The following SF3B3 variants were observed in gnomAD, a reference collection of about 807,000 sequenced individuals.
The protein encoded by SF3B3 is SAP 130.
In SF3B3, 33 loss-of-function variants were observed where a neutral mutation model predicts 139.2. That is an observed-to-expected ratio of 0.24 (90% CI 0.18 to 0.32). The LOEUF is 0.32. Among genes scored for constraint, SF3B3 ranks in the 10% least tolerant of loss-of-function variants. The pLI is 1.00. For synonymous variants in SF3B3, 596 were observed against 563.6 expected, an observed-to-expected ratio of 1.06 and a Z score of -0.81; for missense variants, 818 against 1,509.4, an observed-to-expected ratio of 0.54 and a Z score of 7.59.
chr16:70,567,402 C>T lies in SF3B3; in HGVS notation c.2827-9C>T, dbSNP rs1204753942. On this transcript the variant is annotated splice_polypyrimidine_tract_variant and intron_variant, in intron 20 of 25. Coordinates refer to ENST00000302516, the MANE Select transcript of SF3B3 (RefSeq NM_012426.5). ...TATAATAGCTGTATTACCTGCTTTTCCTCTATAGACTCCTGTGGAAGAGGT... is the reference window on the plus strand; with the variant it reads ...TATAATAGCTGTATTACCTGCTTTTTCTCTATAGACTCCTGTGGAAGAGGT... 4 of 1,610,008 alleles carry T rather than the reference C, an allele frequency of 2.5e-6. No homozygotes were observed. The Admixed American group carries it at 5.1e-5, about 20-fold the overall frequency.
chr16:70,568,560 G>A, intron 22 of SF3B3, 65 bp downstream of exon 22: 1 of 1,299,840 alleles, frequency 7.7e-7, no homozygotes. Flanking sequence ...TTTCTTGTGG[G>A]TAAAGCCAAG....
At chr16:70,526,275 T>C (rs1302000466) in intron 1 of SF3B3, among the ~76,000 whole-genome samples, 1 of 152,072 alleles carries the variant, frequency 6.6e-6, no homozygotes, top group Admixed American at 6.6e-5. Context: ...TGGCATGATG[T>C]TGGCTCACCA....
chr16:70,529,478 G>C (rs539988197), intron 3 of SF3B3: 4 of 438,870 alleles, frequency 9.1e-6, no homozygotes, highest in Middle Eastern at 3.2e-4. Context: ...ATGATCTTAT[G>C]TTATTAGACA....
chr16:70,559,239 A>T (rs1026083282), intron 15 of SF3B3, among the ~76,000 whole-genome samples: 4 of 152,216 alleles, frequency 2.6e-5, no homozygotes, highest in Admixed American at 2.6e-4. Flanking sequence ...TAAAGACAAA[A>T]TTCGCATCAT....
chr16:70,539,610 A>T (rs1490593528), intron 8 of SF3B3, among the ~76,000 whole-genome samples: 1 of 151,802 alleles, frequency 6.6e-6, no homozygotes, highest in African/African-American at 2.4e-5. Flanking sequence ...TTTTCACAAG[A>T]ATGTGTTAGT....
At chr16:70,526,844 C>G (rs1296006883) in intron 2 of SF3B3, 118 bp downstream of exon 2, 1 of 716,292 alleles carries the variant, frequency 1.4e-6, no homozygotes, top group Non-Finnish European at 2.4e-6. Flanking sequence ...TAAATGTAAA[C>G]AATTCAAATT....
chr16:70,525,802 A>T (rs529485734), intron 1 of SF3B3, among the ~76,000 whole-genome samples: 1 of 151,880 alleles, frequency 6.6e-6, no homozygotes, highest in East Asian at 1.9e-4. Context: ...CCCACTAAAA[A>T]TACAAAAAAT....
At chr16:70,542,564 A>G (rs2050229401) in intron 9 of SF3B3, among the ~76,000 whole-genome samples, 1 of 152,080 alleles carries the variant, frequency 6.6e-6, no homozygotes, top group South Asian at 2.1e-4. Flanking sequence ...TTCTGATGGG[A>G]GAGGAGTTTG....
rs957837930 is a variant in SF3B3, at chr16:70,574,494, T to G, written c.*2681T>G. ...CATTGCGCCTGGTCATAAATTCTTG[T>G]TTTTTTGTTTGTTTGTTTATTAGAG... On this transcript the variant is annotated 3_prime_UTR_variant, in exon 26 of 26. Transcript: ENST00000302516. 1.3e-5 allele frequency: 2 copies of G among 152,194 alleles called. No homozygotes were observed. Among genetic ancestry groups the G allele is most frequent in the Non-Finnish European group, 2.9e-5 (2 of 68,072 alleles). The allele number at this position is 152,194 out of a possible 1,614,324, so 9.4% of individuals were successfully genotyped here. A position where few individuals can be genotyped will look rare whatever the true frequency, so the allele number is the denominator to read the frequency against.
At position 70,571,558 on chromosome 16, in the gene SF3B3, C is replaced by G. The variant is rs920307178; in HGVS notation, c.3514-115C>G. 5.4e-6 allele frequency: 6 copies of G among 1,107,156 alleles called. No individual in the cohort carries two copies. The Admixed American group carries it at 1.1e-4, about 20-fold the overall frequency. The allele number at this position is 1,107,156 out of a possible 1,614,324, so 68.6% of individuals were successfully genotyped here. A position where few individuals can be genotyped will look rare whatever the true frequency, so the allele number is the denominator to read the frequency against. ...GCAACCCGGATGATAGGGTGAGACC[C>G]TGTCTCAAAAACTAAAAAATAAAAA... On this transcript the variant is annotated intron_variant, in intron 25 of 25. Coordinates refer to ENST00000302516, the MANE Select transcript of SF3B3 (RefSeq NM_012426.5).
At chr16:70,531,168 T>C (rs1388159993) in intron 4 of SF3B3, among the ~76,000 whole-genome samples, 1 of 151,882 alleles carries the variant, frequency 6.6e-6, no homozygotes, top group Non-Finnish European at 1.5e-5. Context: ...CTCGGGAAGC[T>C]GAGGCAGGAG....
rs1253559956 is a variant in SF3B3, at chr16:70,573,818, G to A, written c.*2005G>A. 1 of 152,248 alleles carries A rather than the reference G, an allele frequency of 6.6e-6. No homozygotes were observed. The highest frequency in any genetic ancestry group is 2.4e-5 in the African/African-American group (1 of 41,468). The allele number at this position is 152,248 out of a possible 1,614,324, so 9.4% of individuals were successfully genotyped here. On this transcript the variant is annotated 3_prime_UTR_variant, in exon 26 of 26. Transcript: ENST00000302516. Reference sequence around the variant, plus strand: ...TGCTTCCATCCTGTTCCATTGCTAAGCCCTTGTGACTTGGATCCTAGGACT... The same window carrying A: ...TGCTTCCATCCTGTTCCATTGCTAAACCCTTGTGACTTGGATCCTAGGACT...
In SF3B3 at chr16:70,560,526, C is replaced by G; in HGVS notation, c.2068C>G (p.Arg690Gly). Residue 690 changes from arginine (R) to glycine (G), a missense_variant, in exon 16 of 26, where the codon CGC (arginine) becomes GGC (glycine). By Grantham distance (125) the Arg-to-Gly change is moderately radical. This residue lies in a region of SF3B3 where 170 missense variants were observed against 353.0 expected (regional missense o/e 0.48). Coordinates refer to ENST00000302516, the MANE Select transcript of SF3B3 (RefSeq NM_012426.5). Reference protein sequence around the residue: ...DPVTGDLSDTRTRYLGSRPVK... With the variant: ...DPVTGDLSDTGTRYLGSRPVK... ...TGTCACTGGGGATTTGTCTGATACTCGCACTCGGTACCTGGGGTCCCGTCC... is the reference window on the plus strand; with the variant it reads ...TGTCACTGGGGATTTGTCTGATACTGGCACTCGGTACCTGGGGTCCCGTCC... The G allele has an allele frequency of 6.2e-7, 1 of 1,613,930 alleles. No individual in the cohort carries two copies. Among genetic ancestry groups the G allele is most frequent in the Non-Finnish European group, 8.5e-7 (1 of 1,179,864 alleles).
chr16:70,553,746 A>G (rs978864242), intron 11 of SF3B3, among the ~76,000 whole-genome samples: 30 of 152,214 alleles, frequency 2.0e-4, no homozygotes, highest in Non-Finnish European at 4.4e-5. Context: ...TGAGAAACTC[A>G]TTAGTGTTTA....
chr16:70,526,218 T>TTTA (rs2050062316), intron 1 of SF3B3, among the ~76,000 whole-genome samples: 1 of 151,544 alleles, frequency 6.6e-6, no homozygotes, highest in Admixed American at 6.6e-5. Flanking sequence ...TTATTTATTT[T>TTTA]TTTTTTTGAG....
chr16:70,563,659 A>G (rs1374420467), intron 17 of SF3B3: 8 of 516,788 alleles, frequency 1.5e-5, no homozygotes, highest in Non-Finnish European at 2.4e-5. Flanking sequence ...AACTGCTGTG[A>G]ATTGTGGTAG....
chr16:70,555,218 T>A lies in SF3B3; in HGVS notation c.1710+12T>A, dbSNP rs762338254. The A allele has an allele frequency of 1.2e-6, 2 of 1,612,020 alleles. No individual in the cohort carries two copies. Among genetic ancestry groups the A allele is most frequent in the South Asian group, 1.1e-5 (1 of 91,010 alleles). On this transcript the variant is annotated intron_variant, in intron 13 of 25. Coordinates refer to ENST00000302516, the MANE Select transcript of SF3B3 (RefSeq NM_012426.5). ...TCGAGATGGATCCTGTATGTTATTTTATCATTCACTGTGGGACTTATTGTA... is the reference window on the plus strand; with the variant it reads ...TCGAGATGGATCCTGTATGTTATTTAATCATTCACTGTGGGACTTATTGTA...
intron 16 of SF3B3, among the ~76,000 whole-genome samples, chr16:70,561,033 T>C (rs2050423120): frequency 6.6e-6 from 1 of 152,160 alleles, no homozygotes; most frequent in South Asian, 2.1e-4. Flanking sequence ...TGTTGTTTTT[T>C]TTTTTGAGAT....
intron 12 of SF3B3, 115 bp from the exon 13 acceptor site, chr16:70,554,936 C>T: frequency 3.1e-6 from 3 of 981,522 alleles, no homozygotes; most frequent in Non-Finnish European, 4.5e-6. Flanking sequence ...CAACTGGTGC[C>T]TCAAATGCAG....
Sources: gnomAD v4.1 joint callset for allele counts (sites outside exome capture counted in the v4.1 genomes callset) on GRCh38, gnomAD v4.1.1 for gene constraint, gnomAD v4.1.1 regional missense constraint, MANE v1.5 for transcripts, NCBI Gene and HGNC (gene_info 2026-07-23, HGNC 2026-07-21) for gene names.